Variants in ANKRD28 observed in about 807,000 individuals in gnomAD.
The protein encoded by ANKRD28 is serine/threonine-protein phosphatase 6 regulatory ankyrin repeat subunit A.
Under a neutral mutation model 126.5 loss-of-function variants are expected in ANKRD28, and 44 were observed. The observed-to-expected ratio is 0.35, with a 90% CI of 0.27 to 0.45. ANKRD28 has a LOEUF of 0.45. Among genes scored for constraint, ANKRD28 ranks in the 20% least tolerant of loss-of-function variants. ANKRD28 has a pLI of 1.00. For synonymous variants in ANKRD28, 442 were observed against 468.5 expected (o/e 0.94, Z 0.73); for missense variants, 1,110 against 1,316.6 (o/e 0.84, Z 2.43).
At chr3:15,736,955 G>A in intron 5 of ANKRD28, 78 bp downstream of exon 5, 8 of 1,438,634 alleles carry the variant, frequency 5.6e-6, no homozygotes, top group African/African-American at 1.4e-5. Flanking sequence ...CCTTTACTAT[G>A]CAAAAATGCA....
At chr3:15,766,438 T>TA (rs906118564) in intron 2 of ANKRD28, 126 bp from the exon 3 acceptor site, 53 of 663,088 alleles carry the variant, frequency 8.0e-5, no homozygotes, top group Non-Finnish European at 1.3e-4. Flanking sequence ...TTATTACTTC[T>TA]ATAACTCTAG....
intron 1 of ANKRD28, among the ~76,000 whole-genome samples, chr3:15,822,469 A>G (rs1427069268): frequency 6.6e-6 from 1 of 152,256 alleles, no homozygotes; most frequent in African/African-American, 2.4e-5. Context: ...AGCAATAACA[A>G]TCCCCAGGGA....
chr3:15,741,697 CTTTTTTTTTTTTTTTTTTTTTTT>C (rs58655271), intron 4 of ANKRD28, among the ~76,000 whole-genome samples: 39 of 33,666 alleles, frequency 1.2e-3, no homozygotes, highest in Non-Finnish European at 1.7e-3. Context: ...TGGTTCTATC[CTTTTTTTTTTTTTTTTTTTTTTT>C]TTTTTTTTTT....
At chr3:15,719,265 T>C (rs1401099046) in intron 8 of ANKRD28, among the ~76,000 whole-genome samples, 1 of 152,192 alleles carries the variant, frequency 6.6e-6, no homozygotes, top group African/African-American at 2.4e-5. Context: ...GTGGCATCAT[T>C]AAAGGCTTCA....
chr3:15,761,154 T>C (rs2058436964), intron 3 of ANKRD28, among the ~76,000 whole-genome samples: 4 of 152,202 alleles, frequency 2.6e-5, no homozygotes, highest in Non-Finnish European at 4.4e-5. Context: ...TTGTATGTTC[T>C]TATGAAAACA....
intron 4 of ANKRD28, among the ~76,000 whole-genome samples, chr3:15,737,730 T>C (rs1179584410): frequency 6.6e-6 from 1 of 151,964 alleles, no homozygotes; most frequent in African/African-American, 2.4e-5. Context: ...CCTCCTGAAG[T>C]GTTGGGGTTA....
chr3:15,690,108 T>C lies in ANKRD28; in HGVS notation c.1874A>G (p.His625Arg). 5.6e-6 allele frequency: 9 copies of C among 1,612,248 alleles called. No individual in the cohort carries two copies. Among genetic ancestry groups the C allele is most frequent in the Non-Finnish European group, 7.6e-6 (9 of 1,179,100 alleles). The change falls in exon 18 of 28, where the codon CAT (histidine) becomes CGT (arginine). Residue 625 changes from histidine to arginine, a missense_variant. Physicochemically the swap from His to Arg is conservative, Grantham distance 29 (BLOSUM62 0). Transcript: ENST00000683139. ...TPLDLAAFKGHVECVDVLINQ... is the reference protein window; with the variant it reads ...TPLDLAAFKGRVECVDVLINQ... ...AATGAGTACATCCACACATTCAACA[T>C]GGCCCTTAAAAGCTGCAAGATCTAG...
intron 8 of ANKRD28, among the ~76,000 whole-genome samples, chr3:15,717,314 A>G (rs1421752462): frequency 6.6e-6 from 1 of 152,102 alleles, no homozygotes; most frequent in African/African-American, 2.4e-5. Flanking sequence ...GTGGCACTGG[A>G]TCAACATTTT....
At chr3:15,782,977 T>C (rs1220546380) in intron 2 of ANKRD28, among the ~76,000 whole-genome samples, 1 of 152,080 alleles carries the variant, frequency 6.6e-6, no homozygotes, top group Non-Finnish European at 1.5e-5. Flanking sequence ...AATGTGAAAC[T>C]TAAAACTATA....
rs2069690718 is a variant in ANKRD28 at position 15,697,038 on chromosome 3, AT to A, written c.1548-794del. Among the ~76,000 whole-genome samples, 4 of 152,342 alleles carry A rather than the reference AT, an allele frequency of 2.6e-5. No homozygotes were observed. The South Asian group carries it at 8.3e-4, about 32-fold the overall frequency. ...AATTGCAAAAATATGAAACAAGTCT[AT>A]TTAGGCTATCTATCAACGAACGAGT... On this transcript the variant is annotated intron_variant, in intron 14 of 27. Coordinates refer to ENST00000683139, the MANE Select transcript of ANKRD28 (RefSeq NM_001349278.2).
chr3:15,799,630 T>A (rs1260781217), upstream of ANKRD28, among the ~76,000 whole-genome samples: 2 of 152,088 alleles, frequency 1.3e-5, no homozygotes, highest in Non-Finnish European at 1.5e-5. Flanking sequence ...ATATCCTATA[T>A]TTCATCTTCA....
chr3:15,704,546 A>G (rs939266605), intron 14 of ANKRD28, among the ~76,000 whole-genome samples: 1 of 152,206 alleles, frequency 6.6e-6, no homozygotes, highest in African/African-American at 2.4e-5. Flanking sequence ...ACATTACTGA[A>G]TAATAGCAAT....
chr3:15,792,537 T>C (rs2060079865), intron 2 of ANKRD28, among the ~76,000 whole-genome samples: 1 of 151,942 alleles, frequency 6.6e-6, no homozygotes, highest in Non-Finnish European at 1.5e-5. Flanking sequence ...TTCATGGACA[T>C]AACAGAAGGA....
intron 18 of ANKRD28, among the ~76,000 whole-genome samples, chr3:15,687,185 C>T (rs2068228236): frequency 6.6e-6 from 1 of 151,972 alleles, no homozygotes. Flanking sequence ...CCTCATGATC[C>T]ACCCACCTCG....
At chr3:15,768,929 T>C (rs535382570) in intron 2 of ANKRD28, among the ~76,000 whole-genome samples, 5 of 152,160 alleles carry the variant, frequency 3.3e-5, no homozygotes, top group Non-Finnish European at 7.3e-5. Flanking sequence ...TATTCAACAA[T>C]TGTTGAAAGA....
rs971777580 is a variant in ANKRD28 at position 15,819,537 on chromosome 3, A to G, written c.28-24231T>C. 5.9e-5 allele frequency among the ~76,000 whole-genome samples: 9 copies of G among 152,212 alleles called. No individual in the cohort carries two copies. In the East Asian group the frequency reaches 1.7e-3, roughly 29 times the overall value. On this transcript the variant is annotated intron_variant, in intron 1 of 27. Coordinates refer to the ANKRD28 transcript ENST00000399451. ...CATAAAATCTCTAGGTATAAACAAA[A>G]TAATATTGGTTGGCTACAGTACAGG...
chr3:15,813,422 T>C (rs2060766553), intron 1 of ANKRD28, among the ~76,000 whole-genome samples: 1 of 152,048 alleles, frequency 6.6e-6, no homozygotes, highest in African/African-American at 2.4e-5. Context: ...AAACAAATTA[T>C]TACAGAAACC....
chr3:15,801,178 T>C (rs979594996), upstream of ANKRD28, among the ~76,000 whole-genome samples: 8 of 152,164 alleles, frequency 5.3e-5, no homozygotes, highest in African/African-American at 1.9e-4. This position sits in a 1 kb window ranked among gnomAD's most constrained non-coding sequence, Gnocchi z 4.9. Flanking sequence ...CTATTCTTTA[T>C]ACTAAAATGT....
At chr3:15,840,090 A>C (rs2061398321) in intron 1 of ANKRD28, among the ~76,000 whole-genome samples, 1 of 152,206 alleles carries the variant, frequency 6.6e-6, no homozygotes, top group African/African-American at 2.4e-5. Flanking sequence ...TCCAAACTGG[A>C]AAGGAAGTCC....
Sources: allele counts gnomAD v4.1 joint callset (sites outside exome capture counted in the v4.1 genomes callset), GRCh38; gene constraint gnomAD v4.1.1; non-coding constraint Gnocchi (gnomAD v3.1); transcripts MANE v1.5; gene names NCBI Gene and HGNC (gene_info 2026-07-23, HGNC 2026-07-21).